The following CASD1 variants were observed in gnomAD, a reference collection of about 807,000 sequenced individuals.
The protein encoded by CASD1 is CAS1 domain sialic acid O acetyltransferase 1.
A neutral mutation model predicts 100.0 loss-of-function variants in CASD1; 41 were observed. The observed-to-expected ratio is 0.41, with a 90% CI of 0.32 to 0.53. CASD1 has a LOEUF of 0.53. CASD1 is among the 20% of genes least tolerant of loss of function. The pLI is 0.25. For synonymous variants in CASD1, 321 were observed against 315.6 expected (o/e 1.02, Z -0.18); for missense variants, 774 against 948.7 (o/e 0.82, Z 2.42).
chr7:94,618,913 C>A, the CASD1 span: 3 of 1,613,974 alleles, frequency 1.9e-6, no homozygotes, highest in Non-Finnish European at 2.5e-6. Flanking sequence ...CTTCTACATT[C>A]ATATTCTTAA....
chr7:94,528,343 C>G, intron 5 of CASD1, 93 bp downstream of exon 5: 2 of 877,000 alleles, frequency 2.3e-6, no homozygotes, highest in East Asian at 2.6e-5. Context: ...TTGTCCCACT[C>G]TCCTATATTT....
chr7:94,577,443 C>T, the CASD1 span, among the ~76,000 whole-genome samples: 5 of 152,246 alleles, frequency 3.3e-5, no homozygotes, highest in South Asian at 2.1e-4. Context: ...CATGCCTTTG[C>T]GAAGGAGTTC....
chr7:94,609,904 A>G, the CASD1 span, among the ~76,000 whole-genome samples: 1 of 152,200 alleles, frequency 6.6e-6, no homozygotes, highest in African/African-American at 2.4e-5. Context: ...AAGCCTGCAC[A>G]TGGATATCTA....
At chr7:94,562,123 C>T in the CASD1 span, among the ~76,000 whole-genome samples, 1 of 152,118 alleles carries the variant, frequency 6.6e-6, no homozygotes, top group African/African-American at 2.4e-5. Context: ...CTCTTGTAAA[C>T]AGTTCATTTG....
chr7:94,622,096 A>T, the CASD1 span: 2 of 152,196 alleles, frequency 1.3e-5, no homozygotes, highest in Non-Finnish European at 2.9e-5. Context: ...GTGTAAAAGT[A>T]ATTTTTAACC....
the CASD1 span, among the ~76,000 whole-genome samples, chr7:94,631,180 G>A: frequency 2.0e-5 from 3 of 151,836 alleles, no homozygotes; most frequent in African/African-American, 7.3e-5. Flanking sequence ...CTTCCCCTGT[G>A]GCATTTACAG....
intron 3 of CASD1, among the ~76,000 whole-genome samples, chr7:94,523,916 A>C (rs1584387248): frequency 6.6e-6 from 1 of 152,182 alleles, no homozygotes; most frequent in Non-Finnish European, 1.5e-5. Flanking sequence ...TTTAAAAGTA[A>C]CAGAAATGCC....
intron 5 of CASD1, among the ~76,000 whole-genome samples, chr7:94,528,867 G>A (rs1396530544): frequency 1.3e-5 from 2 of 151,994 alleles, no homozygotes; most frequent in Admixed American, 6.6e-5. Context: ...AGAGACATTT[G>A]TATTTGAGAT....
In CASD1 at chr7:94,509,863, G is replaced by A. The variant is rs918362188; in HGVS notation, c.-222G>A. The A allele has an allele frequency of 9.8e-7, 1 of 1,020,706 alleles. No homozygotes were observed. The allele number at this position is 1,020,706 out of a possible 1,614,324, so 63.2% of individuals were successfully genotyped here. ...CGGCACGGCGGAGCAGCGGCGGCGG[G>A]GCTGGGGGGAGGCCGCCGAGTCGGC... On this transcript the variant is annotated 5_prime_UTR_variant, in exon 1 of 18. Coordinates refer to ENST00000297273, the MANE Select transcript of CASD1 (RefSeq NM_022900.5).
At chr7:94,628,203 T>G in the CASD1 span, 2 of 1,609,548 alleles carry the variant, frequency 1.2e-6, no homozygotes, top group Non-Finnish European at 1.7e-6. Flanking sequence ...GTAAATTACC[T>G]CAATGATTGT....
rs1795846837 is a variant in CASD1 at position 94,549,562 on chromosome 7, G to C, written c.1743G>C (p.Trp581Cys). 1 of 1,608,316 alleles carries C rather than the reference G, an allele frequency of 6.2e-7. No homozygotes were observed. The highest frequency in any genetic ancestry group is 1.3e-5 in the African/African-American group (1 of 74,486). ...CATTTGAGAAGATCTTTTCTCTTTG[G>C]CCATTGTCCAAGTGTTTTGAACTGA... The part of the protein sequence containing the change: ...QGAFEKIFSL[W>C]PLSKCFELKG... Residue 581 changes from tryptophan to cysteine, a missense_variant, in exon 14 of 18, where the codon TGG becomes TGC. Around this residue, in one of 5 missense-constraint regions of CASD1, gnomAD observed 453 missense variants for 532.6 expected, o/e 0.85. Transcript: ENST00000297273.
the CASD1 span, chr7:94,618,685 T>C: frequency 7.9e-7 from 1 of 1,273,542 alleles, no homozygotes; most frequent in East Asian, 2.3e-5. Context: ...CCATCTTCCA[T>C]CTATAATAAG....
At chr7:94,545,301 A>G (rs1779165007) in intron 11 of CASD1, among the ~76,000 whole-genome samples, 1 of 152,090 alleles carries the variant, frequency 6.6e-6, no homozygotes, top group Non-Finnish European at 1.5e-5. Flanking sequence ...GCCAGAGGAC[A>G]GCTCAGGTTG....
At chr7:94,575,160 C>A in the CASD1 span, among the ~76,000 whole-genome samples, 1 of 152,070 alleles carries the variant, frequency 6.6e-6, no homozygotes, top group African/African-American at 2.4e-5. Context: ...TTAAGATCTT[C>A]CCAACTTTTT....
chr7:94,600,630 GT>G, the CASD1 span: 21 of 1,580,924 alleles, frequency 1.3e-5, no homozygotes, highest in Non-Finnish European at 8.7e-7. Flanking sequence ...TATCTTATTA[GT>G]TTTAAAGTAC....
chr7:94,633,511 T>A, the CASD1 span, among the ~76,000 whole-genome samples: 1 of 152,106 alleles, frequency 6.6e-6, no homozygotes, highest in African/African-American at 2.4e-5. Context: ...TTCACAAAAC[T>A]GTTATCTGTA....
rs749202267 is a variant in CASD1 at position 94,555,607 on chromosome 7, T to G, written c.2243T>G (p.Val748Gly). Residue 748 changes from valine to glycine, a missense_variant, in exon 18 of 18, where the codon GTG (valine) becomes GGG (glycine). By Grantham distance (109) the Val-to-Gly change is moderately radical. This residue lies in a region of CASD1 where 175 missense variants were observed against 206.9 expected (regional missense o/e 0.85). Coordinates refer to ENST00000297273, the MANE Select transcript of CASD1 (RefSeq NM_022900.5). ...IIVSTFIFVC[V>G]AHEISQITND... ...GTCAGCACTTTCATATTTGTTTGTG[T>G]GGCACATGAAATTTCTCAGATCACT... 1.2e-6 allele frequency: 2 copies of G among 1,613,628 alleles called. No homozygotes were observed. The highest frequency in any genetic ancestry group is 1.7e-6 in the Non-Finnish European group (2 of 1,179,710).
At chr7:94,538,327 C>T (rs1397265085) in intron 9 of CASD1, among the ~76,000 whole-genome samples, 1 of 151,958 alleles carries the variant, frequency 6.6e-6, no homozygotes, top group Non-Finnish European at 1.5e-5. Context: ...ATATACATAC[C>T]AATCAGAACT....
intron 16 of CASD1, chr7:94,553,088 C>T: frequency 4.8e-6 from 2 of 419,970 alleles, no homozygotes; most frequent in East Asian, 1.2e-4. Context: ...ATTATAATAA[C>T]TCATTAAATG....
Sources: gnomAD v4.1 joint callset for allele counts (sites outside exome capture counted in the v4.1 genomes callset) on GRCh38, gnomAD v4.1.1 for gene constraint, gnomAD v4.1.1 regional missense constraint, MANE v1.5 for transcripts, NCBI Gene and HGNC (gene_info 2026-07-23, HGNC 2026-07-21) for gene names.